The following SURF2 variants were observed in gnomAD, a reference collection of about 807,000 sequenced individuals.
The protein encoded by SURF2 is surfeit locus protein 2.
A neutral mutation model predicts 26.2 loss-of-function variants in SURF2; 32 were observed. That is an observed-to-expected ratio of 1.22 (90% CI 0.92 to 1.64). The LOEUF (loss-of-function observed/expected upper bound fraction) is 1.64, where lower values mean the gene tolerates loss of function less well. SURF2 is among the 40% of genes most tolerant of loss of function. The pLI is 0.00. For synonymous variants in SURF2, 173 were observed against 139.1 expected (o/e 1.24, Z -1.71); for missense variants, 415 against 341.6 (o/e 1.21, Z -1.69).
At chr9:133,358,768 C>T (rs1836675591) in intron 3 of SURF2, among the ~76,000 whole-genome samples, 1 of 152,088 alleles carries the variant, frequency 6.6e-6, no homozygotes, top group Non-Finnish European at 1.5e-5. Context: ...GGGCAGTGTC[C>T]GGCCTTAGGC....
rs1028681588 is a variant in SURF2 at position 133,356,567 on chromosome 9, C to T, written c.-26C>T. ...TCCAGGTTCTGCGAGCGGCTTCCGC[C>T]GGGCTGCTCCGCGGGCGCGTCGGCC... On this transcript the variant is annotated 5_prime_UTR_variant, in exon 1 of 6. Transcript: ENST00000371964. 22 of 1,509,786 alleles carry T rather than the reference C, an allele frequency of 1.5e-5. No individual in the cohort carries two copies. The highest frequency in any genetic ancestry group is 2.7e-5 in the East Asian group (1 of 37,306). 93.5% of individuals were successfully genotyped at this position (1,509,786 alleles called of 1,614,324 possible).
rs1246689389 is a variant in SURF2, at chr9:133,357,757, C to T, written c.280C>T (p.Pro94Ser). Residue 94 changes from proline to serine, a missense_variant, in exon 3 of 6, where the codon CCA becomes TCA. Transcript: ENST00000371964. ...KLTLRHINKC[P>S]EHVLRHTQGR... is the part of the protein sequence containing the mutation. The stretch of plus-strand genomic sequence containing the variant: ...CACCCTGCGGCACATCAACAAGTGC[C>T]CAGAACACGTGCTGAGGCACACCCA... The T allele has an allele frequency of 5.0e-6, 8 of 1,613,784 alleles. 1 individual carries two copies. In the Admixed American group the frequency reaches 5.0e-5, roughly 10 times the overall value.
intron 3 of SURF2, 120 bp from the exon 4 acceptor site, chr9:133,359,830 T>G: frequency 2.5e-6 from 3 of 1,224,396 alleles, no homozygotes; most frequent in Non-Finnish European, 3.3e-6. Flanking sequence ...CTGCTCTGGT[T>G]TTTGTCCAGG....
In SURF2 at chr9:133,356,988, G is replaced by A. The variant is rs2130031732; in HGVS notation, c.153G>A (p.Lys51=). 2 of 1,572,532 alleles carry A rather than the reference G, an allele frequency of 1.3e-6. No individual in the cohort carries two copies. Among genetic ancestry groups the A allele is most frequent in the South Asian group, 1.2e-5 (1 of 85,824 alleles). ...TCCAGGTCTACACCCGCGGCAAAAA[G>A]TACCAGCGGCTGGTCCGCGCCTCCC... is the stretch of plus-strand genomic sequence containing the variant. The part of the protein sequence containing the change: ...PELQVYTRGK[K]YQRLVRASPA... Residue 51 remains lysine (K), a synonymous_variant, in exon 2 of 6, where the codon AAG becomes AAA. Transcript: ENST00000371964.
chr9:133,360,427 G>T lies in SURF2; in HGVS notation c.680G>T (p.Arg227Leu). 1 of 1,606,392 alleles carries T rather than the reference G, an allele frequency of 6.2e-7. No homozygotes were observed. The highest frequency in any genetic ancestry group is 8.5e-7 in the Non-Finnish European group (1 of 1,178,524). ...TTVYRGLVQKRGKKQLGSLKK... is the reference protein window; with the variant it reads ...TTVYRGLVQKLGKKQLGSLKK... Reference sequence around the variant, plus strand: ...GTGTACCGAGGGCTGGTCCAGAAGCGCGGGAAGGTGAGCTGTCACCTCCTC... The same window carrying T: ...GTGTACCGAGGGCTGGTCCAGAAGCTCGGGAAGGTGAGCTGTCACCTCCTC... Residue 227 changes from arginine to leucine, a missense_variant, in exon 5 of 6, where the codon CGC (arginine) becomes CTC (leucine). Arg to Leu is a moderately radical substitution (Grantham distance 102, BLOSUM62 -2). Transcript: ENST00000371964.
chr9:133,357,114 A>T, intron 2 of SURF2, 46 bp downstream of exon 2: 1 of 1,484,890 alleles, frequency 6.7e-7, no homozygotes, highest in South Asian at 1.3e-5. Context: ...CAATTAGGAC[A>T]GCCCCTCCGC....
At position 133,359,311 on chromosome 9, in the gene SURF2, A is replaced by C. The variant is rs138409714; in HGVS notation, c.338-639A>C. Among the ~76,000 whole-genome samples the C allele has an allele frequency of 3.3e-3, 502 of 152,288 alleles. 1 individual carries two copies. Among genetic ancestry groups the C allele is most frequent in the Middle Eastern group, 0.017 (5 of 294 alleles). On this transcript the variant is annotated intron_variant, in intron 3 of 5. Coordinates refer to ENST00000371964, the MANE Select transcript of SURF2 (RefSeq NM_017503.5). ...AACAGCCCTGGAGATGGGCCGCCAC[A>C]TCAATGGCCAGGGCCCAGCAGGGCT... is the stretch of plus-strand genomic sequence containing the variant.
At chr9:133,359,345 C>T (rs895755725) in intron 3 of SURF2, among the ~76,000 whole-genome samples, 1 of 152,142 alleles carries the variant, frequency 6.6e-6, no homozygotes, top group African/African-American at 2.4e-5. Flanking sequence ...CTCATGCAGC[C>T]CATGAGGGAT....
intron 1 of SURF2, 71 bp downstream of exon 1, chr9:133,356,741 A>G: frequency 2.4e-5 from 17 of 714,010 alleles, no homozygotes; most frequent in Non-Finnish European, 3.2e-5. Context: ...AGGGGAGGGC[A>G]GGGGAGAGGA....
chr9:133,361,055 G>A lies in SURF2; in HGVS notation c.688-1G>A. On this transcript the variant is annotated splice_acceptor_variant, in intron 5 of 5. Coordinates refer to ENST00000371964, the MANE Select transcript of SURF2 (RefSeq NM_017503.5). LOFTEE classifies it high-confidence loss of function. ...TAATCAGAATTTTGTTTATCCCACA[G>A]AAGCAGTTGGGCTCGTTGAAAAAGA... 1 of 1,614,100 alleles carries A rather than the reference G, an allele frequency of 6.2e-7. No homozygotes were observed. Among genetic ancestry groups the A allele is most frequent in the Non-Finnish European group, 8.5e-7 (1 of 1,179,982 alleles).
In SURF2 at chr9:133,359,989, C is replaced by T; in HGVS notation, c.377C>T (p.Ala126Val). 1 of 1,613,706 alleles carries T rather than the reference C, an allele frequency of 6.2e-7. No homozygotes were observed. Among genetic ancestry groups the T allele is most frequent in the Non-Finnish European group, 8.5e-7 (1 of 1,179,770 alleles). The change falls in exon 4 of 6, where the codon GCC becomes GTC. Residue 126 changes from alanine to valine, a missense_variant. Physicochemically the swap from Ala to Val is moderately conservative, Grantham distance 64. Transcript: ENST00000371964. ...CQKQGVEYVPACLVHRRRRRE... is the reference protein window; with the variant it reads ...CQKQGVEYVPVCLVHRRRRRE... ...AAGCAAGGGGTGGAGTACGTGCCTG[C>T]CTGCCTGGTGCACCGGAGGAGGAGG... is the stretch of plus-strand genomic sequence containing the variant.
chr9:133,360,123 T>C lies in SURF2; in HGVS notation c.511T>C (p.Tyr171His), dbSNP rs144211581. ...AAGTGATGACAGCATGACAGACCTG[T>C]ACCCACGTAAGCAGAACAGGCCCTG... is the stretch of plus-strand genomic sequence containing the variant. Reference protein sequence around the residue: ...AASDDSMTDLYPPELFTRKDL... With the variant: ...AASDDSMTDLHPPELFTRKDL... The change falls in exon 4 of 6, where the codon TAC becomes CAC. Residue 171 changes from tyrosine to histidine, a missense_variant. Physicochemically the swap from Tyr to His is moderately conservative, Grantham distance 83. Transcript: ENST00000371964. The C allele has an allele frequency of 9.3e-6, 15 of 1,607,650 alleles. No homozygotes were observed. The African/African-American group carries it at 1.2e-4, about 13-fold the overall frequency.
intron 3 of SURF2, 71 bp from the exon 4 acceptor site, chr9:133,359,879 A>AT (rs1836708711): frequency 6.6e-7 from 1 of 1,504,188 alleles, no homozygotes; most frequent in African/African-American, 1.4e-5. Flanking sequence ...TGCAGTCCTC[A>AT]TAAGTTAGCT....
In SURF2 at chr9:133,361,092, C is replaced by T. The variant is rs201551765; in HGVS notation, c.724C>T (p.His242Tyr). The change falls in exon 6 of 6, where the codon CAT becomes TAT. Residue 242 changes from histidine (H) to tyrosine (Y), a missense_variant. Coordinates refer to ENST00000371964, the MANE Select transcript of SURF2 (RefSeq NM_017503.5). Reference sequence around the variant, plus strand: ...CTCGTTGAAAAAGAAGTTCAAGAGTCATCACCGCAAACCCAAGAGCTTCAG... The same window carrying T: ...CTCGTTGAAAAAGAAGTTCAAGAGTTATCACCGCAAACCCAAGAGCTTCAG... ...LGSLKKKFKS[H>Y]HRKPKSFSSC... 4.0e-5 allele frequency: 64 copies of T among 1,614,158 alleles called. No individual in the cohort carries two copies. The highest frequency in any genetic ancestry group is 3.7e-4 in the Admixed American group (22 of 60,026).
In SURF2 at chr9:133,356,657, C is replaced by T; in HGVS notation, c.65C>T (p.Thr22Met). 3 of 1,521,594 alleles carry T rather than the reference C, an allele frequency of 2.0e-6. No homozygotes were observed. The South Asian group carries it at 3.6e-5, about 18-fold the overall frequency. 94.3% of individuals were successfully genotyped at this position (1,521,594 alleles called of 1,614,324 possible). Reference sequence around the variant, plus strand: ...GAGCACCCGAGCCTGCGGCTCCAGACGGACGCCCGCAAGGTTCGCAGCGCG... The same window carrying T: ...GAGCACCCGAGCCTGCGGCTCCAGATGGACGCCCGCAAGGTTCGCAGCGCG... ...LREHPSLRLQ[T>M]DARKVRCILT... The change falls in exon 1 of 6, where the codon ACG (threonine) becomes ATG (methionine). Residue 22 changes from threonine to methionine, a missense_variant. Physicochemically the swap from Thr to Met is moderately conservative, Grantham distance 81. Coordinates refer to ENST00000371964, the MANE Select transcript of SURF2 (RefSeq NM_017503.5).
At chr9:133,359,676 G>A (rs1232935895) in intron 3 of SURF2, among the ~76,000 whole-genome samples, 1 of 152,250 alleles carries the variant, frequency 6.6e-6, no homozygotes, top group Non-Finnish European at 1.5e-5. Context: ...TGCCCTCCTA[G>A]CCGTGGCTTC....
chr9:133,360,372 G>A lies in SURF2; in HGVS notation c.625G>A (p.Ala209Thr), dbSNP rs2130050782. 4 of 1,613,880 alleles carry A rather than the reference G, an allele frequency of 2.5e-6. No individual in the cohort carries two copies. Among genetic ancestry groups the A allele is most frequent in the South Asian group, 1.1e-5 (1 of 91,070 alleles). ...GAAGGCAAAGCCCCCAAGAGAGAAGGCCACTGATGAGGGCAGGAGAGAGAC... is the reference window on the plus strand; with the variant it reads ...GAAGGCAAAGCCCCCAAGAGAGAAGACCACTGATGAGGGCAGGAGAGAGAC... ...DEKAKPPREK[A>T]TDEGRRETTV... The change falls in exon 5 of 6, where the codon GCC (alanine) becomes ACC (threonine). Residue 209 changes from alanine (A) to threonine (T), a missense_variant. Transcript: ENST00000371964.
intron 3 of SURF2, among the ~76,000 whole-genome samples, chr9:133,358,469 G>A (rs2130039843): frequency 2.0e-5 from 3 of 152,278 alleles, no homozygotes; most frequent in African/African-American, 4.8e-5. Context: ...ATTAGGAAAG[G>A]TGTGTATTAG....
At chr9:133,357,268 T>G in intron 2 of SURF2, 200 bp downstream of exon 2, 2 of 603,880 alleles carry the variant, frequency 3.3e-6, no homozygotes, top group South Asian at 5.1e-5. Flanking sequence ...GTTTGTCCTG[T>G]GGGGTGTGGC....
Sources: gnomAD v4.1 joint callset for allele counts (sites outside exome capture counted in the v4.1 genomes callset) on GRCh38, gnomAD v4.1.1 for gene constraint, MANE v1.5 for transcripts, NCBI Gene and HGNC (gene_info 2026-07-23, HGNC 2026-07-21) for gene names.